Variants in C10orf67 observed in about 807,000 individuals in gnomAD.
C10orf67 encodes chromosome 10 open reading frame 67, also known as uncharacterized protein C10orf67, mitochondrial.
A neutral mutation model predicts 35.6 loss-of-function variants in C10orf67; 60 were observed. The observed-to-expected ratio is 1.68, with a 90% confidence interval of 1.37 to 2.09. C10orf67 has a LOEUF of 2.09. Among genes scored for constraint, C10orf67 ranks in the 30% most tolerant of loss-of-function variants. C10orf67 has a pLI of 0.00. For synonymous variants in C10orf67, 167 were observed against 115.8 expected, an observed-to-expected ratio of 1.44 and a Z score of -2.84; for missense variants, 474 against 330.2, an observed-to-expected ratio of 1.44 and a Z score of -3.38.
At chr10:23,341,243 T>C (rs1845871595) in intron 1 of C10orf67, among the ~76,000 whole-genome samples, 1 of 152,224 alleles carries the variant, frequency 6.6e-6, no homozygotes, top group Admixed American at 6.5e-5. Context: ...TTCAGACTCA[T>C]CTAATCAACT....
intron 7 of C10orf67, among the ~76,000 whole-genome samples, chr10:23,288,307 A>T (rs1316108586): frequency 7.9e-5 from 12 of 152,230 alleles, no homozygotes. Context: ...GAATGAGATC[A>T]TGTCCTTTGC....
intron 8 of C10orf67, among the ~76,000 whole-genome samples, chr10:23,268,222 G>A (rs1183049706): frequency 6.6e-6 from 1 of 152,134 alleles, no homozygotes; most frequent in African/African-American, 2.4e-5. Context: ...TTGAGTCCAG[G>A]AGTTTGAGGT....
At chr10:23,290,724 T>C (rs1843695576) in intron 6 of C10orf67, among the ~76,000 whole-genome samples, 2 of 152,208 alleles carry the variant, frequency 1.3e-5, no homozygotes, top group Admixed American at 1.3e-4. Flanking sequence ...AAGGGCTAAC[T>C]CTGTTTTCCC....
At chr10:23,257,898 G>T (rs1272547708) in intron 10 of C10orf67, among the ~76,000 whole-genome samples, 2 of 151,960 alleles carry the variant, frequency 1.3e-5, no homozygotes, top group African/African-American at 4.8e-5. Context: ...ACCTGTCACA[G>T]TAGTCATACA....
Position 23,259,267 on chromosome 10 carries a change from A to G in C10orf67, c.1200+6995T>C, listed in dbSNP as rs371251790. 3.3e-5 allele frequency among the ~76,000 whole-genome samples: 5 copies of G among 152,326 alleles called. No homozygotes were observed. In the East Asian group the frequency reaches 9.7e-4, roughly 29 times the overall value. ...CGTATATCAAGCTATTCTGTATATCATGCCTTTAAGGATCAGACTTTTGGC... is the reference window on the plus strand; with the variant it reads ...CGTATATCAAGCTATTCTGTATATCGTGCCTTTAAGGATCAGACTTTTGGC... On this transcript the variant is annotated intron_variant, in intron 10 of 15. Coordinates refer to ENST00000636213, the MANE Select transcript of C10orf67 (RefSeq NM_001371909.1).
rs1845551781 is a variant in C10orf67 at position 23,333,260 on chromosome 10, T to G, written c.207-78A>C. 4.5e-6 allele frequency: 6 copies of G among 1,342,982 alleles called. No homozygotes were observed. The South Asian group carries it at 7.8e-5, about 18-fold the overall frequency. The allele number at this position is 1,342,982 out of a possible 1,614,324, so 83.2% of individuals were successfully genotyped here. A position where few individuals can be genotyped will look rare whatever the true frequency, so the allele number is the denominator to read the frequency against. ...ATAGATGTTAATGCGTCTTTTTTTG[T>G]GTAAATCATATCGTATTTTAAGTAT... On this transcript the variant is annotated intron_variant, in intron 1 of 15. Transcript: ENST00000636213.
Position 23,204,178 on chromosome 10 carries a change from C to T in C10orf67, c.1648G>A (p.Asp550Asn). ...CAGCCCAGGCTTCTGCTGGGTTAATCAACAGTCTCTGCGGGGCTGCTCTGG... is the reference window on the plus strand; with the variant it reads ...CAGCCCAGGCTTCTGCTGGGTTAATTAACAGTCTCTGCGGGGCTGCTCTGG... ...MRQSSPAETV[D>N] The change falls in exon 16 of 16, where the codon GAT becomes AAT. Residue 550 changes from aspartate (D) to asparagine (N), a missense_variant. Physicochemically the swap from Asp to Asn is conservative, Grantham distance 23 (BLOSUM62 1). Transcript: ENST00000636213. The T allele has an allele frequency of 1.6e-6, 1 of 616,162 alleles. No individual in the cohort carries two copies. The highest frequency in any genetic ancestry group is 3.0e-6 in the Non-Finnish European group (1 of 332,844). 38.2% of individuals were successfully genotyped at this position (616,162 alleles called of 1,614,324 possible).
chr10:23,314,781 C>T (rs1844635479), intron 4 of C10orf67, among the ~76,000 whole-genome samples: 1 of 152,172 alleles, frequency 6.6e-6, no homozygotes, highest in Non-Finnish European at 1.5e-5. Flanking sequence ...GTTTCCCCAA[C>T]ATAGCCTCTC....
intron 3 of C10orf67, 108 bp downstream of exon 3, chr10:23,322,286 A>G: frequency 8.4e-7 from 1 of 1,190,442 alleles, no homozygotes; most frequent in South Asian, 1.6e-5. Context: ...GACACAACTA[A>G]TGCAAATTAC....
chr10:23,332,881 A>G (rs1033957430), intron 2 of C10orf67, among the ~76,000 whole-genome samples, 181 bp downstream of exon 2: 1 of 152,248 alleles, frequency 6.6e-6, no homozygotes, highest in Non-Finnish European at 1.5e-5. Context: ...TGTAAGTATG[A>G]CATAAATATA....
intron 13 of C10orf67, among the ~76,000 whole-genome samples, chr10:23,235,360 G>A (rs12249765): frequency 0.036 from 5,549 of 152,122 alleles, 312 homozygotes; most frequent in African/African-American, 0.13. Flanking sequence ...TGACCTTCAA[G>A]GGACACCATT....
intron 2 of C10orf67, among the ~76,000 whole-genome samples, chr10:23,322,965 C>T (rs1479597529): frequency 6.6e-6 from 1 of 152,094 alleles, no homozygotes; most frequent in Non-Finnish European, 1.5e-5. Context: ...GGTTCCTGGT[C>T]AGAGGTCTGT....
At position 23,266,312 on chromosome 10, in the gene C10orf67, C is replaced by G; in HGVS notation, c.1150G>C (p.Ala384Pro). The change falls in exon 10 of 16, where the codon GCC (alanine) becomes CCC (proline). Residue 384 changes from alanine to proline, a missense_variant. By Grantham distance (27) the Ala-to-Pro change is conservative. Transcript: ENST00000636213. ...TTCTTTGGCATTTTAGCTTTCTGGG[C>G]CCCAGCAGATGATACACTCATGGTC... ...SATMSVSSAGAQKAKMPKKAL... is the reference protein window; with the variant it reads ...SATMSVSSAGPQKAKMPKKAL... 2.5e-6 allele frequency: 1 copy of G among 398,602 alleles called. No individual in the cohort carries two copies. Among genetic ancestry groups the G allele is most frequent in the Non-Finnish European group, 4.4e-6 (1 of 226,086 alleles). The allele number at this position is 398,602 out of a possible 1,614,324, so 24.7% of individuals were successfully genotyped here. A position where few individuals can be genotyped will look rare whatever the true frequency, so the allele number is the denominator to read the frequency against.
At chr10:23,313,717 C>T (rs769894486) in intron 4 of C10orf67, among the ~76,000 whole-genome samples, 12 of 152,010 alleles carry the variant, frequency 7.9e-5, no homozygotes, top group Non-Finnish European at 1.5e-4. Context: ...AGGCGACGGC[C>T]CAGTATTGTG....
Position 23,303,460 on chromosome 10 carries a change from C to G in C10orf67, c.547-1G>C, listed in dbSNP as rs1308419599. On this transcript the variant is annotated splice_acceptor_variant, in intron 4 of 15. Coordinates refer to ENST00000636213, the MANE Select transcript of C10orf67 (RefSeq NM_001371909.1). LOFTEE classifies it high-confidence loss of function. ...TCTCTTCTTCTACCTCAAAGAATTG[C>G]TAGGGACAAAAAAAAGCAGCATTAA... 3.7e-6 allele frequency: 2 copies of G among 546,124 alleles called. No individual in the cohort carries two copies. 33.8% of individuals were successfully genotyped at this position (546,124 alleles called of 1,614,324 possible). A position where few individuals can be genotyped will look rare whatever the true frequency, so the allele number is the denominator to read the frequency against.
At chr10:23,252,834 A>T (rs991645016) in intron 10 of C10orf67, among the ~76,000 whole-genome samples, 3 of 152,202 alleles carry the variant, frequency 2.0e-5, no homozygotes, top group African/African-American at 4.8e-5. Context: ...GTAATAGGCA[A>T]CTGATATGGT....
intron 4 of C10orf67, among the ~76,000 whole-genome samples, chr10:23,303,777 TAGG>T (rs1844176624): frequency 6.6e-6 from 1 of 152,148 alleles, no homozygotes; most frequent in African/African-American, 2.4e-5. Context: ...GATGGAAGAT[TAGG>T]AGAACGTCTA....
intron 8 of C10orf67, among the ~76,000 whole-genome samples, chr10:23,279,978 C>A (rs545161606): frequency 4.5e-4 from 69 of 152,202 alleles, no homozygotes; most frequent in African/African-American, 1.6e-3. Flanking sequence ...ACCTAGCCTC[C>A]TGAGTAGGAG....
chr10:23,202,066 G>C (rs1163872212), downstream of C10orf67: 2 of 152,216 alleles, frequency 1.3e-5, no homozygotes, highest in East Asian at 1.9e-4. Flanking sequence ...AGTGTGTCTA[G>C]CTGGAGCTGA....
Sources: allele counts gnomAD v4.1 joint callset (sites outside exome capture counted in the v4.1 genomes callset), GRCh38; gene constraint gnomAD v4.1.1; transcripts MANE v1.5; gene names NCBI Gene and HGNC (gene_info 2026-07-23, HGNC 2026-07-21).